NOS1AP: variants seen among roughly 807,000 people sequenced by gnomAD.
The protein encoded by NOS1AP is carboxyl-terminal PDZ ligand of neuronal nitric oxide synthase protein.
NOS1AP carries 21 observed loss-of-function variants against 56.2 expected under a neutral mutation model. That is an observed-to-expected ratio of 0.37 (90% CI 0.26 to 0.54). NOS1AP has a LOEUF of 0.54. Ranked by LOEUF, NOS1AP falls within the 20% of genes least tolerant of loss-of-function variation. The pLI, the probability that NOS1AP is intolerant of heterozygous loss-of-function variation, is 0.84. For synonymous variants in NOS1AP, 270 were observed against 274.6 expected (o/e 0.98, Z 0.17); for missense variants, 522 against 657.8 (o/e 0.79, Z 2.26).
chr1:162,264,488 C>CCCCTCCCCTA (rs1654354658), intron 2 of NOS1AP, among the ~76,000 whole-genome samples: 1 of 69,820 alleles, frequency 1.4e-5, no homozygotes, highest in Admixed American at 1.6e-4. Context: ...CCCCTCCCCT[C>CCCCTCCCCTA]TCCTCCTCTC....
At chr1:162,157,647 A>G (rs907418309) in intron 2 of NOS1AP, among the ~76,000 whole-genome samples, 2 of 152,134 alleles carry the variant, frequency 1.3e-5, no homozygotes, top group African/African-American at 4.8e-5. Flanking sequence ...TAAGGATCAC[A>G]TGTGTGTGAG....
At chr1:162,362,451 A>C (rs2101827267) in intron 8 of NOS1AP, among the ~76,000 whole-genome samples, 2 of 35,840 alleles carry the variant, frequency 5.6e-5, no homozygotes, top group Admixed American at 6.9e-4. Flanking sequence ...TCTCAAAAAA[A>C]AAAAAAAAAG....
At chr1:162,269,033 G>T (rs1411505104) in intron 2 of NOS1AP, among the ~76,000 whole-genome samples, 1 of 152,164 alleles carries the variant, frequency 6.6e-6, no homozygotes, top group East Asian at 1.9e-4. Flanking sequence ...CAATGAAAAT[G>T]AAAGGAGCCA....
chr1:162,189,425 A>G (rs919619725), intron 2 of NOS1AP, among the ~76,000 whole-genome samples: 2 of 152,234 alleles, frequency 1.3e-5, no homozygotes, highest in African/African-American at 4.8e-5. Context: ...TGGTTTCCAT[A>G]ATTTGGATGG....
intron 2 of NOS1AP, among the ~76,000 whole-genome samples, chr1:162,206,246 A>G (rs1336461412): frequency 6.8e-6 from 1 of 147,924 alleles, no homozygotes; most frequent in Non-Finnish European, 1.5e-5. Context: ...TTTCAAATCT[A>G]TTTCTCTCTT....
chr1:162,093,565 A>T (rs1006401892), intron 1 of NOS1AP, among the ~76,000 whole-genome samples: 3 of 150,574 alleles, frequency 2.0e-5, no homozygotes, highest in Non-Finnish European at 3.0e-5. Flanking sequence ...ATTTTATTTT[A>T]TTTTTTTTTG....
intron 5 of NOS1AP, among the ~76,000 whole-genome samples, chr1:162,339,873 G>C (rs1657054009): frequency 6.6e-6 from 1 of 152,160 alleles, no homozygotes; most frequent in African/African-American, 2.4e-5. Flanking sequence ...TGCCTCTACT[G>C]ACCACCTTTA....
intron 1 of NOS1AP, among the ~76,000 whole-genome samples, chr1:162,099,171 G>A (rs1692319103): frequency 1.3e-5 from 2 of 150,648 alleles, no homozygotes; most frequent in South Asian, 2.1e-4. Context: ...CCTTGCCAGC[G>A]TCTGTTACTT....
chr1:162,329,907 A>T (rs936894165), intron 4 of NOS1AP, among the ~76,000 whole-genome samples: 2 of 152,242 alleles, frequency 1.3e-5, no homozygotes, highest in African/African-American at 4.8e-5. Flanking sequence ...CTGAAATCAG[A>T]TATAGCAGAG....
At chr1:162,249,413 C>T (rs1023890818) in intron 2 of NOS1AP, among the ~76,000 whole-genome samples, 5 of 152,156 alleles carry the variant, frequency 3.3e-5, no homozygotes, top group Admixed American at 2.6e-4. Context: ...GAAGAGAATC[C>T]TGAAAGAGGG....
chr1:162,205,175 G>A (rs939645232), intron 2 of NOS1AP, among the ~76,000 whole-genome samples: 5 of 152,214 alleles, frequency 3.3e-5, no homozygotes, highest in Admixed American at 6.5e-5. Context: ...TGGGAAGTTG[G>A]TTCCTGATAT....
chr1:162,140,832 AG>A (rs758057500), intron 1 of NOS1AP, among the ~76,000 whole-genome samples: 10 of 152,110 alleles, frequency 6.6e-5, no homozygotes, highest in Non-Finnish European at 1.5e-4. Flanking sequence ...TTTTAACAAA[AG>A]CCATTCTGAT....
intron 2 of NOS1AP, among the ~76,000 whole-genome samples, chr1:162,180,003 A>G (rs1651195495): frequency 6.6e-6 from 1 of 152,120 alleles, no homozygotes; most frequent in Non-Finnish European, 1.5e-5. Context: ...GAGCCATGAC[A>G]GTGGGAATGG....
intron 2 of NOS1AP, among the ~76,000 whole-genome samples, chr1:162,272,940 G>A (rs1404257091): frequency 6.6e-6 from 1 of 152,036 alleles, no homozygotes; most frequent in Non-Finnish European, 1.5e-5. Context: ...CCTCCCATAG[G>A]GATTGAGTTA....
intron 1 of NOS1AP, among the ~76,000 whole-genome samples, chr1:162,111,317 G>A (rs1049196573): frequency 2.0e-5 from 3 of 152,232 alleles, no homozygotes; most frequent in African/African-American, 4.8e-5. Flanking sequence ...GAGAGAACAT[G>A]AAAGCCATTG....
chr1:162,261,498 G>GGAGA (rs1557853636), intron 2 of NOS1AP, among the ~76,000 whole-genome samples: 8 of 1,318 alleles, frequency 6.1e-3, no homozygotes, highest in Non-Finnish European at 0.022. Context: ...GAGAGAGAGA[G>GGAGA]AGAGAGAGAG....
intron 8 of NOS1AP, chr1:162,360,628 C>T (rs992563387): frequency 1.0e-4 from 36 of 354,238 alleles, no homozygotes; most frequent in Middle Eastern, 2.1e-3. Context: ...ATTTATGCTT[C>T]GCAATCATGT....
At chr1:162,111,865 A>G (rs1647723744) in intron 1 of NOS1AP, among the ~76,000 whole-genome samples, 1 of 152,196 alleles carries the variant, frequency 6.6e-6, no homozygotes, top group Non-Finnish European at 1.5e-5. Flanking sequence ...GAAGAGTTGG[A>G]CTAGCTCATC....
At position 162,092,651 on chromosome 1, in the gene NOS1AP, A is replaced by G. The variant is rs558290392; in HGVS notation, c.105+22369A>G. On this transcript the variant is annotated intron_variant, in intron 1 of 9. Transcript: ENST00000361897. ...TTGCCTGGTACATGATTTATGCTCAATGTATATGCAGTGAATGAATCTGTT... is the reference window on the plus strand; with the variant it reads ...TTGCCTGGTACATGATTTATGCTCAGTGTATATGCAGTGAATGAATCTGTT... 2.6e-5 allele frequency among the ~76,000 whole-genome samples: 4 copies of G among 152,304 alleles called. No individual in the cohort carries two copies. The South Asian group carries it at 8.3e-4, about 32-fold the overall frequency.
Sources: gnomAD v4.1 joint callset for allele counts (sites outside exome capture counted in the v4.1 genomes callset) on GRCh38, gnomAD v4.1.1 for gene constraint, MANE v1.5 for transcripts, NCBI Gene and HGNC (gene_info 2026-07-23, HGNC 2026-07-21) for gene names.